MRTFB: variants seen among roughly 807,000 people sequenced by gnomAD.
The protein encoded by MRTFB is myocardin-related transcription factor B.
In MRTFB, 29 loss-of-function variants were observed where a neutral mutation model predicts 104.2. That is an observed-to-expected ratio of 0.28 (90% CI 0.21 to 0.38). The LOEUF (loss-of-function observed/expected upper bound fraction) is 0.38, where lower values mean the gene tolerates loss of function less well. Among genes scored for constraint, MRTFB ranks in the 10% least tolerant of loss-of-function variants. The pLI is 1.00. For synonymous variants in MRTFB, 535 were observed against 519.5 expected (o/e 1.03, Z -0.41); for missense variants, 1,270 against 1,341.6 (o/e 0.95, Z 0.83).
intron 2 of MRTFB, among the ~76,000 whole-genome samples, chr16:14,112,377 A>G (rs1241505092): frequency 6.6e-6 from 1 of 152,154 alleles, no homozygotes; most frequent in African/African-American, 2.4e-5. Context: ...AGAGTGGATG[A>G]CGGGGTTCAA....
intron 2 of MRTFB, among the ~76,000 whole-genome samples, chr16:14,082,581 G>A (rs931192694): frequency 6.6e-6 from 1 of 152,072 alleles, no homozygotes; most frequent in African/African-American, 2.4e-5. Flanking sequence ...CCAGAAGTTC[G>A]AGACCAGCTG....
chr16:14,265,661 A>G lies in MRTFB; in HGVS notation c.*4217A>G, dbSNP rs908306017. 4 of 152,198 alleles carry G rather than the reference A, an allele frequency of 2.6e-5. No homozygotes were observed. The highest frequency in any genetic ancestry group is 5.9e-5 in the Non-Finnish European group (4 of 68,038). The allele number at this position is 152,198 out of a possible 1,614,324, so 9.4% of individuals were successfully genotyped here. ...GCCCTTTCTTGCAGTATCCAGGGAA[A>G]CACATCATTACAAAGGGTTTCTACC... On this transcript the variant is annotated 3_prime_UTR_variant, in exon 17 of 17. Coordinates refer to ENST00000571589, the MANE Select transcript of MRTFB (RefSeq NM_001308142.2).
intron 3 of MRTFB, among the ~76,000 whole-genome samples, chr16:14,160,538 C>A (rs1052466314): frequency 6.6e-6 from 1 of 152,102 alleles, no homozygotes; most frequent in African/African-American, 2.4e-5. Flanking sequence ...TGGGATAATA[C>A]CTTGAGACTA....
chr16:14,031,358 C>T, the MRTFB span, among the ~76,000 whole-genome samples: 27 of 150,472 alleles, frequency 1.8e-4, no homozygotes, highest in Admixed American at 1.5e-3. Flanking sequence ...TGTGCCACTG[C>T]GCCCCAGCCT....
chr16:14,046,798 C>A, the MRTFB span, among the ~76,000 whole-genome samples: 2 of 152,174 alleles, frequency 1.3e-5, no homozygotes, highest in African/African-American at 4.8e-5. Flanking sequence ...GAGAAGGAAT[C>A]CTTTCTTCCA....
At chr16:14,039,292 A>G in the MRTFB span, among the ~76,000 whole-genome samples, 7 of 152,320 alleles carry the variant, frequency 4.6e-5, no homozygotes, top group Middle Eastern at 3.4e-3. Flanking sequence ...CTTCCTCCAG[A>G]ACGGGCATTG....
chr16:14,023,610 CATACAT>C, the MRTFB span, among the ~76,000 whole-genome samples: 371 of 106,962 alleles, frequency 3.5e-3, 1 homozygote, highest in African/African-American at 9.3e-3. Context: ...CACACACACA[CATACAT>C]ATACATATAC....
At chr16:14,070,017 G>A (rs1052201077), upstream of MRTFB, among the ~76,000 whole-genome samples, 16 of 152,310 alleles carry the variant, frequency 1.1e-4, no homozygotes, top group Admixed American at 1.3e-4. Context: ...AATTGGTTCC[G>A]GGGAGAGTGG....
rs2043956601 is a variant in MRTFB, at chr16:14,266,581, T to C, written c.*5137T>C. The C allele has an allele frequency of 6.6e-6, 1 of 152,226 alleles. No homozygotes were observed. Among genetic ancestry groups the C allele is most frequent in the Non-Finnish European group, 1.5e-5 (1 of 68,032 alleles). 9.4% of individuals were successfully genotyped at this position (152,226 alleles called of 1,614,324 possible). A position where few individuals can be genotyped will look rare whatever the true frequency, so the allele number is the denominator to read the frequency against. On this transcript the variant is annotated 3_prime_UTR_variant, in exon 17 of 17. Transcript: ENST00000571589. Reference sequence around the variant, plus strand: ...TGCTGTTTGCACCCCTGAAATCAATTCCATATCATGTTTGAATGCCATACA... The same window carrying C: ...TGCTGTTTGCACCCCTGAAATCAATCCCATATCATGTTTGAATGCCATACA...
chr16:14,073,592 G>A (rs2033864444), intron 1 of MRTFB, among the ~76,000 whole-genome samples: 1 of 152,206 alleles, frequency 6.6e-6, no homozygotes, highest in South Asian at 2.1e-4. Context: ...GTTAGTACCT[G>A]TGTCCCTCTG....
chr16:14,206,259 G>T (rs913511887), intron 3 of MRTFB, among the ~76,000 whole-genome samples: 4 of 152,140 alleles, frequency 2.6e-5, no homozygotes, highest in Non-Finnish European at 5.9e-5. Flanking sequence ...CTCAGTCGTG[G>T]ATAAGCACCA....
At chr16:14,186,237 A>G (rs1190334416) in intron 3 of MRTFB, among the ~76,000 whole-genome samples, 2 of 152,218 alleles carry the variant, frequency 1.3e-5, no homozygotes, top group Admixed American at 6.5e-5. Context: ...GCACACCACA[A>G]AAGAACTTTG....
At chr16:14,149,740 T>G (rs2038517911) in intron 3 of MRTFB, among the ~76,000 whole-genome samples, 1 of 152,238 alleles carries the variant, frequency 6.6e-6, no homozygotes. Flanking sequence ...ATGTAGTATA[T>G]TCTCATAAAC....
intron 2 of MRTFB, among the ~76,000 whole-genome samples, chr16:14,105,661 A>G (rs1245854494): frequency 6.6e-6 from 1 of 152,144 alleles, no homozygotes; most frequent in African/African-American, 2.4e-5. Flanking sequence ...AGCCTCCCAA[A>G]GTGCTGGGAT....
the MRTFB span, among the ~76,000 whole-genome samples, chr16:14,045,854 G>GT: frequency 1.1e-3 from 166 of 152,104 alleles, no homozygotes; most frequent in Middle Eastern, 0.014. Context: ...TAAAAGTGAG[G>GT]TTTTTTTTGT....
At chr16:14,108,705 CAGAAT>C (rs2036123552) in intron 2 of MRTFB, among the ~76,000 whole-genome samples, 1 of 152,174 alleles carries the variant, frequency 6.6e-6, no homozygotes, top group Non-Finnish European at 1.5e-5. Context: ...AGTTATTTCT[CAGAAT>C]AGAAAATAAT....
At chr16:14,182,144 G>A (rs991734922) in intron 3 of MRTFB, among the ~76,000 whole-genome samples, 19 of 152,184 alleles carry the variant, frequency 1.2e-4, no homozygotes, top group Non-Finnish European at 2.8e-4. Context: ...ACAGTGGTGG[G>A]GGTTTCTCCT....
At chr16:14,254,054 C>T (rs966630171) in intron 15 of MRTFB, among the ~76,000 whole-genome samples, 4 of 152,154 alleles carry the variant, frequency 2.6e-5, no homozygotes, top group Non-Finnish European at 4.4e-5. Flanking sequence ...ATGAATCTTC[C>T]ACTGTAACCT....
At chr16:14,134,145 C>T (rs2037584419) in intron 2 of MRTFB, among the ~76,000 whole-genome samples, 2 of 152,148 alleles carry the variant, frequency 1.3e-5, no homozygotes, top group African/African-American at 4.8e-5. Flanking sequence ...AGTTATTCCT[C>T]TAGTGAACAA....
Sources: allele counts gnomAD v4.1 joint callset (sites outside exome capture counted in the v4.1 genomes callset), GRCh38; gene constraint gnomAD v4.1.1; transcripts MANE v1.5; gene names NCBI Gene and HGNC (gene_info 2026-07-23, HGNC 2026-07-21).